The following RICTOR variants were observed in gnomAD, a reference collection of about 807,000 sequenced individuals.
The protein encoded by RICTOR is RPTOR independent companion of MTOR complex 2.
RICTOR carries 49 observed loss-of-function variants against 214.9 expected under a neutral mutation model. The observed-to-expected ratio is 0.23, with a 90% confidence interval of 0.18 to 0.29. The LOEUF (loss-of-function observed/expected upper bound fraction) is 0.29, where lower values mean the gene tolerates loss of function less well. Among genes scored for constraint, RICTOR ranks in the 10% least tolerant of loss-of-function variants. The pLI, the probability that RICTOR is intolerant of heterozygous loss-of-function variation, is 1.00. For missense variants in RICTOR, 1,625 were observed against 2,047.0 expected, an observed-to-expected ratio of 0.79 and a Z score of 3.98; for synonymous variants, 717 against 711.3, an observed-to-expected ratio of 1.01 and a Z score of -0.13.
intron 2 of RICTOR, among the ~76,000 whole-genome samples, chr5:39,043,154 A>G (rs990904596): frequency 2.0e-5 from 3 of 152,210 alleles, no homozygotes; most frequent in Admixed American, 6.5e-5. Context: ...CGAAATCAGC[A>G]TATCAAAGAG....
chr5:39,029,917 C>T (rs992493057), intron 2 of RICTOR, among the ~76,000 whole-genome samples: 3 of 152,042 alleles, frequency 2.0e-5, no homozygotes, highest in Non-Finnish European at 4.4e-5. Flanking sequence ...ATACAGCTGG[C>T]CCAGGCAAGT....
chr5:39,041,264 G>T (rs552876570), intron 2 of RICTOR, among the ~76,000 whole-genome samples: 3 of 152,076 alleles, frequency 2.0e-5, no homozygotes, highest in African/African-American at 7.2e-5. Context: ...AAAAAACAAG[G>T]TACTTTTCTC....
intron 3 of RICTOR, among the ~76,000 whole-genome samples, chr5:39,020,059 G>T (rs1030931342): frequency 2.0e-5 from 3 of 152,112 alleles, no homozygotes; most frequent in Admixed American, 2.0e-4. Context: ...GAATTAGAGG[G>T]GGAGCCTGAA....
At chr5:38,966,496 G>A (rs949751307) in intron 15 of RICTOR, 145 bp downstream of exon 15, 2 of 610,986 alleles carry the variant, frequency 3.3e-6, no homozygotes, top group African/African-American at 3.8e-5. Flanking sequence ...CAGTACCAAG[G>A]GCTTTTTCTA....
intron 16 of RICTOR, among the ~76,000 whole-genome samples, chr5:38,963,262 A>G (rs950969430): frequency 1.6e-4 from 24 of 152,042 alleles, no homozygotes; most frequent in African/African-American, 5.8e-4. Flanking sequence ...TGTACTTACT[A>G]AACTTTTCTT....
intron 2 of RICTOR, among the ~76,000 whole-genome samples, chr5:39,072,735 C>A (rs1214001375): frequency 1.3e-5 from 2 of 152,016 alleles, no homozygotes; most frequent in African/African-American, 4.8e-5. Flanking sequence ...ATTCTCAAAA[C>A]CGATCTGCTG....
chr5:39,025,148 C>T (rs1209467372), intron 2 of RICTOR, among the ~76,000 whole-genome samples: 3 of 152,110 alleles, frequency 2.0e-5, no homozygotes. Flanking sequence ...CCTCCTTCTC[C>T]TCCTCAAAGC....
chr5:38,990,782 A>ATATATCT lies in RICTOR; in HGVS notation c.583+166_583+167insAGATATA, dbSNP rs1561503147. ...ATATATGAGATATATGATATATATG[A>ATATATCT]GATATATGAGATATATGATATATAT... On this transcript the variant is annotated intron_variant, in intron 7 of 37. Coordinates refer to ENST00000357387, the MANE Select transcript of RICTOR (RefSeq NM_152756.5). Among the ~76,000 whole-genome samples the ATATATCT allele has an allele frequency of 1.6e-3, 168 of 106,872 alleles. 15 individuals carry two copies. The highest frequency in any genetic ancestry group is 2.0e-3 in the East Asian group (8 of 3,978). The allele number at this position is 106,872 out of a possible 152,430, so 70.1% of individuals were successfully genotyped here.
intron 6 of RICTOR, 53 bp downstream of exon 6, chr5:38,996,766 A>G (rs1434434948): frequency 1.0e-5 from 11 of 1,063,378 alleles, no homozygotes; most frequent in Non-Finnish European, 1.4e-5. Flanking sequence ...AAAAATGTAA[A>G]TATTAACATA....
intron 2 of RICTOR, among the ~76,000 whole-genome samples, chr5:39,027,199 CACTT>C (rs1007544021): frequency 8.5e-5 from 13 of 152,206 alleles, no homozygotes; most frequent in African/African-American, 3.1e-4. Context: ...ATGGGGTTAA[CACTT>C]AATTACCCCC....
Position 38,996,802 on chromosome 5 carries a change from TCACA to T in RICTOR, c.456+13_456+16del. The T allele has an allele frequency of 1.3e-6, 2 of 1,555,032 alleles. No homozygotes were observed. The highest frequency in any genetic ancestry group is 1.8e-6 in the Non-Finnish European group (2 of 1,136,304). Reference sequence around the variant, plus strand: ...AAAACCATAAATTTGCCTTTTACTCTCACACATAGAGCATACCTTTCTGACTAAT... The same window carrying T: ...AAAACCATAAATTTGCCTTTTACTCTCATAGAGCATACCTTTCTGACTAAT... On this transcript the variant is annotated intron_variant, in intron 6 of 37. Coordinates refer to ENST00000357387, the MANE Select transcript of RICTOR (RefSeq NM_152756.5).
chr5:38,945,188 C>T lies in RICTOR; in HGVS notation c.4634-120G>A, dbSNP rs542072444. ...TCTTCTCTAATTGTATGCAATATACCAAACACTTCCAAAACTTTTTTCCTC... is the reference window on the plus strand; with the variant it reads ...TCTTCTCTAATTGTATGCAATATACTAAACACTTCCAAAACTTTTTTCCTC... On this transcript the variant is annotated intron_variant, in intron 34 of 37. Coordinates refer to ENST00000357387, the MANE Select transcript of RICTOR (RefSeq NM_152756.5). The T allele has an allele frequency of 2.5e-4, 185 of 744,398 alleles. 1 individual carries two copies. The highest frequency in any genetic ancestry group is 3.3e-4 in the Non-Finnish European group (154 of 469,624). The allele number at this position is 744,398 out of a possible 1,614,324, so 46.1% of individuals were successfully genotyped here. A position where few individuals can be genotyped will look rare whatever the true frequency, so the allele number is the denominator to read the frequency against.
At chr5:39,026,741 C>T (rs1294943404) in intron 2 of RICTOR, among the ~76,000 whole-genome samples, 1 of 151,866 alleles carries the variant, frequency 6.6e-6, no homozygotes. Context: ...GGTGCGGTGG[C>T]TCACACCTGT....
At chr5:38,957,611 TA>T (rs759210984) in intron 25 of RICTOR, 40 bp downstream of exon 25, 1 of 1,077,972 alleles carries the variant, frequency 9.3e-7, no homozygotes, top group Admixed American at 2.1e-5. Flanking sequence ...TTTCAGAAGA[TA>T]AAAACACACA....
chr5:38,966,397 T>C (rs1006024321), intron 15 of RICTOR, among the ~76,000 whole-genome samples: 1 of 152,244 alleles, frequency 6.6e-6, no homozygotes, highest in African/African-American at 2.4e-5. Context: ...TTCAGTACTT[T>C]GCATGTTGTA....
rs758503740 is a variant in RICTOR, at chr5:38,959,789, C to T, written c.2041G>A (p.Val681Ile). The change falls in exon 21 of 38, where the codon GTA (valine) becomes ATA (isoleucine). Residue 681 changes from valine to isoleucine, a missense_variant. By Grantham distance (29) the Val-to-Ile change is conservative. This residue lies in a region of RICTOR where 1,214 missense variants were observed against 1,470.5 expected (regional missense o/e 0.83). Coordinates refer to ENST00000357387, the MANE Select transcript of RICTOR (RefSeq NM_152756.5). ...HGVKMLEKCS[V>I]FQCLLNLCSL... ...TCTGGGAATGCTCACCACTGAAATA[C>T]ACTGCATTTTTCCAGCATTTTAACT... is the stretch of plus-strand genomic sequence containing the variant. 6.2e-7 allele frequency: 1 copy of T among 1,611,080 alleles called. No individual in the cohort carries two copies. The highest frequency in any genetic ancestry group is 1.3e-5 in the African/African-American group (1 of 74,830).
At chr5:38,948,080 A>G (rs986543098) in intron 31 of RICTOR, among the ~76,000 whole-genome samples, 1 of 152,092 alleles carries the variant, frequency 6.6e-6, no homozygotes, top group Admixed American at 6.6e-5. Context: ...TGATACACTG[A>G]TATTTCCATA....
Position 38,942,882 on chromosome 5 carries a change from G to A in RICTOR, c.5003C>T (p.Pro1668Leu), listed in dbSNP as rs77464125. Residue 1668 changes from proline to leucine, a missense_variant, in exon 37 of 38, where the codon CCG becomes CTG. By Grantham distance (98) the Pro-to-Leu change is moderately conservative. Coordinates refer to ENST00000357387, the MANE Select transcript of RICTOR (RefSeq NM_152756.5). Reference protein sequence around the residue: ...HLLSHCTFRLPCRRFIQELFQ... With the variant: ...HLLSHCTFRLLCRRFIQELFQ... ...TAATTCTTGTATGAACCTCCGACAC[G>A]GAAGTCTGAATGTGCAGTGTGACAG... 230 of 1,611,378 alleles carry A rather than the reference G, an allele frequency of 1.4e-4. No individual in the cohort carries two copies. The East Asian group carries it at 4.3e-3, about 30-fold the overall frequency.
chr5:38,962,848 G>C, intron 17 of RICTOR, 28 bp downstream of exon 17: 1 of 1,576,276 alleles, frequency 6.3e-7, no homozygotes, highest in Non-Finnish European at 8.7e-7. Context: ...TTGTGTTTAA[G>C]ATGAAAATCA....
Sources: allele counts gnomAD v4.1 joint callset (sites outside exome capture counted in the v4.1 genomes callset), GRCh38; gene constraint gnomAD v4.1.1; regional missense constraint gnomAD v4.1.1; transcripts MANE v1.5; gene names NCBI Gene and HGNC (gene_info 2026-07-23, HGNC 2026-07-21).